The following TAFA1 variants were observed in gnomAD, a reference collection of about 807,000 sequenced individuals.
TAFA1 encodes the protein TAFA chemokine like family member 1, also known as chemokine-like protein TAFA-1.
TAFA1 carries 4 observed loss-of-function variants against 18.5 expected under a neutral mutation model. That is an observed-to-expected ratio of 0.22 (90% CI 0.11 to 0.49). The LOEUF is 0.49. TAFA1 is among the 20% of genes least tolerant of loss of function. The pLI, the probability that TAFA1 is intolerant of heterozygous loss-of-function variation, is 0.98. For synonymous variants in TAFA1, 56 were observed against 55.2 expected, an observed-to-expected ratio of 1.01 and a Z score of -0.06; for missense variants, 147 against 169.0, an observed-to-expected ratio of 0.87 and a Z score of 0.72.
At chr3:68,448,290 T>A (rs1184877487) in intron 3 of TAFA1, among the ~76,000 whole-genome samples, 1 of 152,204 alleles carries the variant, frequency 6.6e-6, no homozygotes, top group African/African-American at 2.4e-5. Flanking sequence ...AAATCAATTA[T>A]ATTGAAATCT....
chr3:68,320,257 C>T (rs1401152779), intron 2 of TAFA1, among the ~76,000 whole-genome samples: 1 of 152,210 alleles, frequency 6.6e-6, no homozygotes. Flanking sequence ...TGGCCACAAC[C>T]TGGCTTCCTT....
chr3:68,115,815 G>T (rs953583952), intron 2 of TAFA1, among the ~76,000 whole-genome samples: 4 of 152,142 alleles, frequency 2.6e-5, no homozygotes, highest in Admixed American at 2.0e-4. Flanking sequence ...TTCAAAGCCT[G>T]CTCAATGTAA....
chr3:68,487,773 T>C (rs1220296247), intron 3 of TAFA1, among the ~76,000 whole-genome samples: 1 of 140,160 alleles, frequency 7.1e-6, no homozygotes, highest in Non-Finnish European at 1.6e-5. Flanking sequence ...AAAAAAATTC[T>C]GTGAGTGGTG....
intron 2 of TAFA1, among the ~76,000 whole-genome samples, chr3:68,051,229 T>C (rs1446698115): frequency 1.3e-5 from 2 of 152,182 alleles, no homozygotes; most frequent in African/African-American, 4.8e-5. Context: ...AATAAATGTT[T>C]CTATTATATT....
At chr3:68,334,948 G>A (rs1479994082) in intron 2 of TAFA1, among the ~76,000 whole-genome samples, 6 of 152,154 alleles carry the variant, frequency 3.9e-5, no homozygotes, top group African/African-American at 1.4e-4. Context: ...AGTCACGAGA[G>A]CATACCTAAC....
intron 2 of TAFA1, among the ~76,000 whole-genome samples, chr3:68,273,120 A>G (rs1442577306): frequency 6.6e-6 from 1 of 152,166 alleles, no homozygotes; most frequent in Non-Finnish European, 1.5e-5. Context: ...ATATTAATAC[A>G]AATGGTGCCA....
intron 2 of TAFA1, among the ~76,000 whole-genome samples, chr3:68,281,057 A>G (rs1244866570): frequency 6.6e-6 from 1 of 152,230 alleles, no homozygotes; most frequent in Non-Finnish European, 1.5e-5. Flanking sequence ...ATTCCTATGG[A>G]ATATTCTTAT....
intron 3 of TAFA1, among the ~76,000 whole-genome samples, chr3:68,452,665 A>G (rs1366307635): frequency 6.6e-6 from 1 of 152,188 alleles, no homozygotes; most frequent in Non-Finnish European, 1.5e-5. Flanking sequence ...AACACTTGGA[A>G]TCATGTGCCC....
intron 2 of TAFA1, among the ~76,000 whole-genome samples, chr3:68,018,641 G>C (rs575773325): frequency 6.6e-6 from 1 of 152,282 alleles, no homozygotes; most frequent in East Asian, 1.9e-4. Context: ...ACAAATGCCT[G>C]AAACAGTGTG....
intron 2 of TAFA1, among the ~76,000 whole-genome samples, chr3:68,257,225 T>G (rs535829185): frequency 1.8e-4 from 28 of 152,184 alleles, no homozygotes; most frequent in Admixed American, 3.9e-4. Context: ...AAACATAACT[T>G]TCTTGGATGG....
intron 2 of TAFA1, among the ~76,000 whole-genome samples, chr3:68,232,615 T>G (rs1168498228): frequency 1.3e-5 from 2 of 151,906 alleles, no homozygotes; most frequent in Non-Finnish European, 2.9e-5. Flanking sequence ...TTTAGTGGGT[T>G]TTTTTTTCTC....
At chr3:68,511,206 T>G (rs992329185) in intron 3 of TAFA1, among the ~76,000 whole-genome samples, 6 of 152,160 alleles carry the variant, frequency 3.9e-5, no homozygotes, top group Non-Finnish European at 8.8e-5. Context: ...TAAACAAACA[T>G]ATAGTATAAA....
At chr3:68,295,464 C>T (rs373726846) in intron 2 of TAFA1, among the ~76,000 whole-genome samples, 1 of 151,888 alleles carries the variant, frequency 6.6e-6, no homozygotes, top group African/African-American at 2.4e-5. Flanking sequence ...TAATTGACAA[C>T]ACAGTCTTAG....
At chr3:68,061,867 T>C (rs997055649) in intron 2 of TAFA1, among the ~76,000 whole-genome samples, 2 of 152,126 alleles carry the variant, frequency 1.3e-5, no homozygotes, top group African/African-American at 2.4e-5. Context: ...TGCAGCATGG[T>C]TTCTCTCTTT....
intron 2 of TAFA1, among the ~76,000 whole-genome samples, chr3:68,228,178 T>C (rs2066827240): frequency 6.6e-6 from 1 of 152,346 alleles, no homozygotes; most frequent in Non-Finnish European, 1.5e-5. Flanking sequence ...GAAAGCATCA[T>C]TACATCCCCT....
intron 2 of TAFA1, among the ~76,000 whole-genome samples, chr3:68,330,291 T>C (rs1294615394): frequency 6.6e-6 from 1 of 152,172 alleles, no homozygotes; most frequent in African/African-American, 2.4e-5. Context: ...AAACCATCAA[T>C]CTGGCCATGT....
At chr3:68,185,542 A>G (rs914010806) in intron 2 of TAFA1, among the ~76,000 whole-genome samples, 2 of 152,128 alleles carry the variant, frequency 1.3e-5, no homozygotes, top group African/African-American at 4.8e-5. Flanking sequence ...AAATGAATTT[A>G]TTTTAAAATA....
At chr3:68,089,874 CA>C (rs2065011880) in intron 2 of TAFA1, among the ~76,000 whole-genome samples, 2 of 152,162 alleles carry the variant, frequency 1.3e-5, no homozygotes, top group South Asian at 4.1e-4. Context: ...GCTTGAATTA[CA>C]ATTTCTAGTT....
intron 2 of TAFA1, among the ~76,000 whole-genome samples, chr3:68,387,528 C>G (rs1301944105): frequency 6.6e-6 from 1 of 152,064 alleles, no homozygotes; most frequent in Non-Finnish European, 1.5e-5. Context: ...GAGTTTACTC[C>G]ATGTTCAACC....
Sources: gnomAD v4.1 joint callset for allele counts (sites outside exome capture counted in the v4.1 genomes callset) on GRCh38, gnomAD v4.1.1 for gene constraint, MANE v1.5 for transcripts, NCBI Gene and HGNC (gene_info 2026-07-23, HGNC 2026-07-21) for gene names.